The following FBRSL1 variants were observed in gnomAD, a reference collection of about 807,000 sequenced individuals.
The protein encoded by FBRSL1 is fibrosin like 1.
In FBRSL1, 51 loss-of-function variants were observed where a neutral mutation model predicts 89.6. The observed-to-expected ratio is 0.57, with a 90% CI of 0.45 to 0.72. The LOEUF (loss-of-function observed/expected upper bound fraction) is 0.72, where lower values mean the gene tolerates loss of function less well. FBRSL1 is among the 30% of genes least tolerant of loss of function. The pLI is 0.00. For synonymous variants in FBRSL1, 779 were observed against 681.1 expected (o/e 1.14, Z -2.24); for missense variants, 1,618 against 1,451.8 (o/e 1.11, Z -1.86).
chr12:132,582,976 T>A lies in FBRSL1; in HGVS notation c.2207T>A (p.Leu736His), dbSNP rs2040885741. 1.4e-6 allele frequency: 2 copies of A among 1,428,088 alleles called. No individual in the cohort carries two copies. Among genetic ancestry groups the A allele is most frequent in the East Asian group, 6.1e-5 (2 of 32,762 alleles). The allele number at this position is 1,428,088 out of a possible 1,614,324, so 88.5% of individuals were successfully genotyped here. Residue 736 changes from leucine (L) to histidine (H), a missense_variant, in exon 19 of 19, where the codon CTC (leucine) becomes CAC (histidine). Coordinates refer to ENST00000680143, the MANE Select transcript of FBRSL1 (RefSeq NM_001367871.1). ...GTCCGCCCTGCCGCCCCCAGGGACC[T>A]CCTGGAGAAGACGCGCCTGCTGAGC... ...DNGKEEQERD[L>H]LEKTRLLSRA...
At chr12:132,525,143 G>A (rs1412847635) in intron 2 of FBRSL1, among the ~76,000 whole-genome samples, 1 of 152,224 alleles carries the variant, frequency 6.6e-6, no homozygotes, top group Non-Finnish European at 1.5e-5. Flanking sequence ...GGGAGGCCGA[G>A]CAGTGGCCCA....
intron 4 of FBRSL1, among the ~76,000 whole-genome samples, chr12:132,532,799 G>A (rs2036399596): frequency 6.6e-6 from 1 of 152,238 alleles, no homozygotes; most frequent in Non-Finnish European, 1.5e-5. Flanking sequence ...TGAGGCCCCT[G>A]AGGAAGGAGC....
At chr12:132,560,868 T>A (rs1322371046) in intron 5 of FBRSL1, among the ~76,000 whole-genome samples, 1 of 152,244 alleles carries the variant, frequency 6.6e-6, no homozygotes, top group Non-Finnish European at 1.5e-5. Context: ...GTCACGTCCC[T>A]GCAGACCATG....
intron 5 of FBRSL1, chr12:132,552,138 G>C (rs1260373587): frequency 5.5e-6 from 1 of 183,150 alleles, no homozygotes; most frequent in Non-Finnish European, 1.2e-5. Flanking sequence ...GTGGGGCCTG[G>C]GCAGAGGAGA....
chr12:132,572,335 CAGCGTG>C lies in FBRSL1; in HGVS notation c.1428_1433del (p.Val477_Ser478del). ...TGGACAGCCCCTACTTCCGACATTC[CAGCGTG>C]AGTGTGAGTGTCCCCGAGGGGCCCG... On this transcript the variant is annotated inframe_deletion, in exon 10 of 19. Coordinates refer to ENST00000680143, the MANE Select transcript of FBRSL1 (RefSeq NM_001367871.1). The C allele has an allele frequency of 6.4e-7, 1 of 1,551,130 alleles. No homozygotes were observed. Among genetic ancestry groups the C allele is most frequent in the Non-Finnish European group, 8.7e-7 (1 of 1,146,716 alleles).
At chr12:132,565,921 G>A (rs897028602) in intron 5 of FBRSL1, 2 of 152,214 alleles carry the variant, frequency 1.3e-5, no homozygotes, top group Admixed American at 6.5e-5. Flanking sequence ...TGGGGGTGAC[G>A]GTTAGGAGTC....
At chr12:132,573,339 T>TC (rs2040170179) in intron 11 of FBRSL1, among the ~76,000 whole-genome samples, 1 of 152,048 alleles carries the variant, frequency 6.6e-6, no homozygotes, top group South Asian at 2.1e-4. Context: ...ACCCCTGGGC[T>TC]CCCCTGGGGC....
At chr12:132,514,413 T>G (rs946893799) in intron 2 of FBRSL1, among the ~76,000 whole-genome samples, 1 of 152,204 alleles carries the variant, frequency 6.6e-6, no homozygotes, top group Admixed American at 6.5e-5. Context: ...AGGACCGCAG[T>G]ACCAGACTGA....
At chr12:132,525,955 G>A (rs1388883725) in intron 3 of FBRSL1, 132 bp downstream of exon 3, 2 of 720,636 alleles carry the variant, frequency 2.8e-6, no homozygotes, top group South Asian at 3.7e-5. Context: ...TCCAGTCCGA[G>A]TCTGGGCCCC....
chr12:132,542,110 T>TGAGGGCAGAAGCCACC (rs2037315555), intron 4 of FBRSL1, among the ~76,000 whole-genome samples: 1 of 152,156 alleles, frequency 6.6e-6, no homozygotes, highest in South Asian at 2.1e-4. Context: ...GGCAGGACAC[T>TGAGGGCAGAAGCCACC]GAGGGCAGAA....
rs1328062952 is a variant in FBRSL1, at chr12:132,581,058, C to T, written c.1835-381C>T. The T allele has an allele frequency of 3.0e-6, 3 of 985,356 alleles. No individual in the cohort carries two copies. The African/African-American group carries it at 5.2e-5, about 17-fold the overall frequency. 61.0% of individuals were successfully genotyped at this position (985,356 alleles called of 1,614,324 possible). The stretch of plus-strand genomic sequence containing the variant: ...CAGCACCACATTAAGAAGTGAGGAC[C>T]ATCTATCAGCTCCCAGGTGAAAGCT... On this transcript the variant is annotated intron_variant, in intron 15 of 18. Transcript: ENST00000680143.
In FBRSL1 at chr12:132,558,488, G is replaced by C. The variant is rs192456494; in HGVS notation, c.646-8993G>C. ...ACACAGTGTGTGTGCATGGACGCAAGCGCGTGCCGTTTTCATGGCAGGAAA... is the reference window on the plus strand; with the variant it reads ...ACACAGTGTGTGTGCATGGACGCAACCGCGTGCCGTTTTCATGGCAGGAAA... On this transcript the variant is annotated intron_variant, in intron 5 of 18. Transcript: ENST00000680143. Among the ~76,000 whole-genome samples the C allele has an allele frequency of 2.0e-5, 3 of 152,406 alleles. No individual in the cohort carries two copies. The East Asian group carries it at 5.8e-4, about 29-fold the overall frequency.
intron 1 of FBRSL1, among the ~76,000 whole-genome samples, chr12:132,491,556 G>C (rs2030970064): frequency 6.6e-6 from 1 of 152,224 alleles, no homozygotes; most frequent in South Asian, 2.1e-4. Flanking sequence ...GCCGAGACCC[G>C]CCCAGCGAGG....
At chr12:132,531,634 A>ATGGCGTTGCGTGTTGTGCACT (rs1172405739) in intron 4 of FBRSL1, among the ~76,000 whole-genome samples, 5 of 151,916 alleles carry the variant, frequency 3.3e-5, no homozygotes, top group Non-Finnish European at 4.4e-5. Context: ...TGTTGTGCAC[A>ATGGCGTTGCGTGTTGTGCACT]TGGCGTTGCG....
intron 5 of FBRSL1, chr12:132,560,001 C>A (rs1041235829): frequency 6.7e-6 from 1 of 148,256 alleles, no homozygotes; most frequent in Non-Finnish European, 1.5e-5. Context: ...GCCCGCGCCG[C>A]GCCCGACGTC....
Position 132,574,335 on chromosome 12 carries a change from G to A in FBRSL1, c.1616G>A (p.Arg539Gln), listed in dbSNP as rs745652513. 1.0e-4 allele frequency: 157 copies of A among 1,549,070 alleles called. No individual in the cohort carries two copies. The highest frequency in any genetic ancestry group is 7.8e-4 in the African/African-American group (57 of 73,134). ...QKAPGVSDPY[R>Q]AVVKKPGRWC... The stretch of plus-strand genomic sequence containing the variant: ...TCTCCACAGGTGTCTGACCCGTACC[G>A]GGCGGTGGTCAAGGTGAGCACGTGT... Residue 539 changes from arginine to glutamine, a missense_variant, in exon 13 of 19, where the codon CGG (arginine) becomes CAG (glutamine). Coordinates refer to ENST00000680143, the MANE Select transcript of FBRSL1 (RefSeq NM_001367871.1).
At chr12:132,522,556 T>G (rs1203744417) in intron 2 of FBRSL1, among the ~76,000 whole-genome samples, 1 of 152,182 alleles carries the variant, frequency 6.6e-6, no homozygotes, top group African/African-American at 2.4e-5. Context: ...TGAAGCCGGC[T>G]GTTAAACTGT....
rs937394316 is a variant in FBRSL1 at position 132,570,121 on chromosome 12, G to T, written c.887G>T (p.Arg296Leu). The change falls in exon 7 of 19, where the codon CGC becomes CTC. Residue 296 changes from arginine to leucine, a missense_variant. Transcript: ENST00000680143. ...LVKKEPPAPH[R>L]HTPQPPPPQP... ...AAGAAGGAACCCCCCGCCCCGCACC[G>T]CCACACCCCGCAGCCGCCACCCCCG... The T allele has an allele frequency of 6.8e-7, 1 of 1,472,526 alleles. No individual in the cohort carries two copies. The highest frequency in any genetic ancestry group is 8.9e-7 in the Non-Finnish European group (1 of 1,119,628). 91.2% of individuals were successfully genotyped at this position (1,472,526 alleles called of 1,614,324 possible).
chr12:132,496,889 G>A (rs1160837712), intron 1 of FBRSL1, among the ~76,000 whole-genome samples: 11 of 140,240 alleles, frequency 7.8e-5, no homozygotes, highest in African/African-American at 5.2e-5. Flanking sequence ...GCATCGGGTA[G>A]GGGTGGCCCT....
Sources: gnomAD v4.1 joint callset for allele counts (sites outside exome capture counted in the v4.1 genomes callset) on GRCh38, gnomAD v4.1.1 for gene constraint, MANE v1.5 for transcripts, NCBI Gene and HGNC (gene_info 2026-07-23, HGNC 2026-07-21) for gene names.